Variants in SPAG8 observed in about 807,000 individuals in gnomAD.
SPAG8 encodes the protein sperm-associated antigen 8.
A neutral mutation model predicts 45.3 loss-of-function variants in SPAG8; 36 were observed. The ratio of observed to expected loss-of-function variants is 0.80; its 90% CI spans 0.61 to 1.05. SPAG8 has a LOEUF of 1.05. SPAG8 is among the 50% of genes least tolerant of loss of function. The pLI is 0.00. For missense variants in SPAG8, 573 were observed against 609.2 expected, an observed-to-expected ratio of 0.94 and a Z score of 0.63; for synonymous variants, 227 against 232.6, an observed-to-expected ratio of 0.98 and a Z score of 0.22.
In SPAG8 at chr9:35,811,977, G is replaced by C; in HGVS notation, c.69C>G (p.Ser23=). The stretch of plus-strand genomic sequence containing the variant: ...GTTCCGAAGTGGGCCCCAGTCCTTC[G>C]GAGCTGGGCTGTATGTCTAAAGATC... ...RSRSLDIQPS[S]EGLGPTSEPF... Residue 23 remains serine (S), a synonymous_variant, in exon 2 of 7, where the codon TCC becomes TCG. Transcript: ENST00000396638. 1.9e-6 allele frequency: 3 copies of C among 1,597,576 alleles called. No individual in the cohort carries two copies. The highest frequency in any genetic ancestry group is 1.7e-6 in the Non-Finnish European group (2 of 1,169,320).
downstream of SPAG8, chr9:35,808,632 A>G: frequency 6.2e-7 from 1 of 1,614,044 alleles, no homozygotes; most frequent in Non-Finnish European, 8.5e-7. The surrounding 1 kb of genome is among the most constrained non-coding windows in gnomAD (Gnocchi z 4.0). Flanking sequence ...TTCCTTTCGC[A>G]TCCGCCACCG....
chr9:35,809,081 A>G, downstream of SPAG8: 1 of 1,365,298 alleles, frequency 7.3e-7, no homozygotes, highest in Middle Eastern at 2.1e-4. This position sits in a 1 kb window ranked among gnomAD's most constrained non-coding sequence, Gnocchi z 4.1. Context: ...ACGGTGCTAT[A>G]CAGTATCACC....
Position 35,810,013 on chromosome 9 carries a change from T to G in SPAG8, c.1383A>C (p.Gln461His). The G allele has an allele frequency of 6.2e-7, 1 of 1,612,996 alleles. No individual in the cohort carries two copies. Among genetic ancestry groups the G allele is most frequent in the Non-Finnish European group, 8.5e-7 (1 of 1,179,442 alleles). ...LPYEPENYPY[Q>H]LGEISSLPCP... Reference sequence around the variant, plus strand: ...AGGGAAGGGAAGATATTTCTCCCAATTGGTAGGGGTAATTCTCAGGTTCAT... The same window carrying G: ...AGGGAAGGGAAGATATTTCTCCCAAGTGGTAGGGGTAATTCTCAGGTTCAT... Residue 461 changes from glutamine (Q) to histidine (H), a missense_variant, in exon 7 of 7, where the codon CAA becomes CAC. Gln to His is a conservative substitution (Grantham distance 24). Coordinates refer to ENST00000396638, the MANE Select transcript of SPAG8 (RefSeq NM_001039592.2).
At chr9:35,808,733 C>T, downstream of SPAG8, 1 of 1,612,314 alleles carries the variant, frequency 6.2e-7, no homozygotes. The surrounding 1 kb of genome is among the most constrained non-coding windows in gnomAD (Gnocchi z 4.0). Flanking sequence ...CCCAGACTCT[C>T]CCAACCTGTT....
chr9:35,808,689 GCTGACT>G, downstream of SPAG8: 1 of 1,613,874 alleles, frequency 6.2e-7, no homozygotes, highest in Non-Finnish European at 8.5e-7. This position sits in a 1 kb window ranked among gnomAD's most constrained non-coding sequence, Gnocchi z 4.0. Context: ...TACTGGTAAG[GCTGACT>G]CTCACTCCAG....
chr9:35,810,719 G>C (rs773566700), intron 3 of SPAG8, 37 bp from the exon 4 acceptor site: 1 of 1,613,368 alleles, frequency 6.2e-7, no homozygotes, highest in Admixed American at 1.7e-5. Context: ...GGTGGGGTCT[G>C]GTTAAGAAGG....
At chr9:35,808,972 G>A (rs113554385), downstream of SPAG8, 8 of 937,598 alleles carry the variant, frequency 8.5e-6, no homozygotes, top group Admixed American at 3.5e-5. The surrounding 1 kb of genome is among the most constrained non-coding windows in gnomAD (Gnocchi z 4.0). Flanking sequence ...TCGCATCCTC[G>A]GGCATATTTT....
Position 35,811,030 on chromosome 9 carries a change from G to C in SPAG8, c.892C>G (p.Pro298Ala), listed in dbSNP as rs1828764476. Residue 298 changes from proline (P) to alanine (A), a missense_variant, in exon 3 of 7, where the codon CCA becomes GCA. Physicochemically the swap from Pro to Ala is conservative, Grantham distance 27. Coordinates refer to ENST00000396638, the MANE Select transcript of SPAG8 (RefSeq NM_001039592.2). The stretch of plus-strand genomic sequence containing the variant: ...CTCTCAGAGCCATCCTGCATGCTTG[G>C]GACTTGATCCAGGTGGTTGGTGGCT... The part of the protein sequence containing the change: ...ERATNHLDQV[P>A]SMQDGSESFF... 1 of 1,613,814 alleles carries C rather than the reference G, an allele frequency of 6.2e-7. No homozygotes were observed. Among genetic ancestry groups the C allele is most frequent in the Non-Finnish European group, 8.5e-7 (1 of 1,179,862 alleles).
rs767559989 is a variant in SPAG8 at position 35,810,466 on chromosome 9, T to G, written c.1173A>C (p.Ala391=). The G allele has an allele frequency of 1.4e-5, 22 of 1,613,956 alleles. No homozygotes were observed. The East Asian group carries it at 4.9e-4, about 36-fold the overall frequency. Residue 391 remains alanine (A), a synonymous_variant, in exon 5 of 7, where the codon GCA becomes GCC. Transcript: ENST00000396638. ...VTHHDYRMEL[A]QAGTPAPTKP... ...TTGTTGGGGCAGGAGTCCCTGCTTG[T>G]GCCAGCTCCATTCGGTAGTCATGGT...
At position 35,811,011 on chromosome 9, in the gene SPAG8, G is replaced by A. The variant is rs746223696; in HGVS notation, c.911C>T (p.Ser304Phe). Residue 304 changes from serine to phenylalanine, a missense_variant, in exon 3 of 7, where the codon TCT becomes TTT. Transcript: ENST00000396638. Reference protein sequence around the residue: ...LDQVPSMQDGSESFFFRHGHR... With the variant: ...LDQVPSMQDGFESFFFRHGHR... ...TCCGTGTCGGAAGAAAAAACTCTCA[G>A]AGCCATCCTGCATGCTTGGGACTTG... 19 of 1,613,942 alleles carry A rather than the reference G, an allele frequency of 1.2e-5. 1 individual carries two copies. The highest frequency in any genetic ancestry group is 4.4e-5 in the South Asian group (4 of 91,080).
rs746568481 is a variant in SPAG8, at chr9:35,810,428, T to C, written c.1200+11A>G. 1 of 1,440,918 alleles carries C rather than the reference T, an allele frequency of 6.9e-7. No homozygotes were observed. The highest frequency in any genetic ancestry group is 9.6e-7 in the Non-Finnish European group (1 of 1,046,022). 89.3% of individuals were successfully genotyped at this position (1,440,918 alleles called of 1,614,324 possible). On this transcript the variant is annotated intron_variant, in intron 5 of 6. Transcript: ENST00000396638. ...GGTGCAAGTGGCGGGGGATGGGGGG[T>C]GGGTTCTCACCTTTGTTGGGGCAGG...
intron 5 of SPAG8, 57 bp from the exon 6 acceptor site, chr9:35,810,366 G>T (rs1263305249): frequency 6.2e-7 from 1 of 1,612,490 alleles, no homozygotes; most frequent in African/African-American, 1.3e-5. Context: ...TCAACCTCTG[G>T]GCTTGGTACT....
Position 35,809,967 on chromosome 9 carries a change from C to A in SPAG8, c.1429G>T (p.Gly477Cys). Residue 477 changes from glycine to cysteine, a missense_variant, in exon 7 of 7, where the codon GGT becomes TGT. Physicochemically the swap from Gly to Cys is radical, Grantham distance 159. Coordinates refer to ENST00000396638, the MANE Select transcript of SPAG8 (RefSeq NM_001039592.2). This position sits in a 1 kb window ranked among gnomAD's most constrained non-coding sequence, Gnocchi z 4.1. Reference protein sequence around the residue: ...SLPCPGGRLGGGGGRMTPF With the variant: ...SLPCPGGRLGCGGGRMTPF The stretch of plus-strand genomic sequence containing the variant: ...AAAGGAGTCATTCTCCCCCCTCCAC[C>A]ACCCAGCCTTCCTCCGGGACAGGGA... 1 of 1,591,840 alleles carries A rather than the reference C, an allele frequency of 6.3e-7. No individual in the cohort carries two copies. Among genetic ancestry groups the A allele is most frequent in the Non-Finnish European group, 8.5e-7 (1 of 1,169,710 alleles).
In SPAG8 at chr9:35,811,887, C is replaced by T. The variant is rs151256946; in HGVS notation, c.159G>A (p.Ala53=). ...CAGTAGCTGCAGCAGCTGATGCAGC[C>T]GCTGCAGCTGCTGCGGTTGCAGCTG... ...ALAAATAAAA[A]AASAAAATAA... The change falls in exon 2 of 7, where the codon GCG becomes GCA. Residue 53 remains alanine, a synonymous_variant. Coordinates refer to ENST00000396638, the MANE Select transcript of SPAG8 (RefSeq NM_001039592.2). The T allele has an allele frequency of 8.3e-4, 1,342 of 1,608,214 alleles. 11 individuals carry two copies. The African/African-American group carries it at 0.016, about 19-fold the overall frequency.
chr9:35,810,641 T>C lies in SPAG8; in HGVS notation c.1081A>G (p.Ile361Val). The part of the protein sequence containing the change: ...AMLEMLLQHQ[I>V]CKEVQAEQEP... ...CCCCTTTACCCAATCCCTTACCAGA[T>C]CTGATGCTGCAGGAGCATCTCCAGC... The change falls in exon 4 of 7, where the codon ATC becomes GTC. Residue 361 changes from isoleucine to valine, a missense_variant. Ile to Val is a conservative substitution (Grantham distance 29). Transcript: ENST00000396638. The C allele has an allele frequency of 6.2e-7, 1 of 1,614,018 alleles. No homozygotes were observed. Among genetic ancestry groups the C allele is most frequent in the Non-Finnish European group, 8.5e-7 (1 of 1,179,994 alleles).
downstream of SPAG8, chr9:35,808,786 G>C: frequency 6.2e-7 from 1 of 1,613,890 alleles, no homozygotes; most frequent in Non-Finnish European, 8.5e-7. This position sits in a 1 kb window ranked among gnomAD's most constrained non-coding sequence, Gnocchi z 4.0. Flanking sequence ...TTGGCCTGAA[G>C]ATGCCCCGTT....
At position 35,812,038 on chromosome 9, in the gene SPAG8, G is replaced by T. The variant is rs369312953; in HGVS notation, c.45-37C>A. ...CAAACACGACATGGCTGTCAAAAGC[G>T]CAGCAGAGGAAGTCAGCTGACCTTC... On this transcript the variant is annotated intron_variant, in intron 1 of 6. Coordinates refer to ENST00000396638, the MANE Select transcript of SPAG8 (RefSeq NM_001039592.2). 6 of 1,608,498 alleles carry T rather than the reference G, an allele frequency of 3.7e-6. No homozygotes were observed. The African/African-American group carries it at 8.0e-5, about 22-fold the overall frequency.
In SPAG8 at chr9:35,810,272, CAGA is replaced by C. The variant is rs773901034; in HGVS notation, c.1235_1237del (p.Phe412del). The C allele has an allele frequency of 2.0e-5, 33 of 1,614,092 alleles. No homozygotes were observed. The African/African-American group carries it at 4.1e-4, about 20-fold the overall frequency. The stretch of plus-strand genomic sequence containing the variant: ...CGGCAGCTGTGGTGCCCTCTGTATC[CAGA>C]AGGTCTCAGGTTGCTCCTGGCGGTA... On this transcript the variant is annotated inframe_deletion, in exon 6 of 7. Coordinates refer to ENST00000396638, the MANE Select transcript of SPAG8 (RefSeq NM_001039592.2).
Position 35,811,622 on chromosome 9 carries a change from T to C in SPAG8, c.424A>G (p.Ser142Gly), listed in dbSNP as rs745434954. Residue 142 changes from serine (S) to glycine (G), a missense_variant, in exon 2 of 7, where the codon AGC becomes GGC. Ser to Gly is a moderately conservative substitution (Grantham distance 56). Transcript: ENST00000396638. ...SSNPGPVPGSSSGPVLGSSSG... is the reference protein window; with the variant it reads ...SSNPGPVPGSGSGPVLGSSSG... Reference sequence around the variant, plus strand: ...CTGGAACCAAGAACAGGCCCAGAGCTAGAGCCTGGAACAGGGCCAGGATTA... The same window carrying C: ...CTGGAACCAAGAACAGGCCCAGAGCCAGAGCCTGGAACAGGGCCAGGATTA... 6.2e-7 allele frequency: 1 copy of C among 1,613,966 alleles called. No homozygotes were observed. The highest frequency in any genetic ancestry group is 8.5e-7 in the Non-Finnish European group (1 of 1,179,984).
Sources: gnomAD v4.1 joint callset for allele counts on GRCh38, gnomAD v4.1.1 for gene constraint, Gnocchi (gnomAD v3.1) non-coding constraint, MANE v1.5 for transcripts, NCBI Gene and HGNC (gene_info 2026-07-23, HGNC 2026-07-21) for gene names.